TMEM232: variants seen among roughly 807,000 people sequenced by gnomAD.
The protein encoded by TMEM232 is transmembrane protein 232.
In TMEM232, 80 loss-of-function variants were observed where a neutral mutation model predicts 78.8. That is an observed-to-expected ratio of 1.01 (90% confidence interval 0.85 to 1.22). The LOEUF (loss-of-function observed/expected upper bound fraction) is 1.22. TMEM232 is among the 50% of genes most tolerant of loss of function. TMEM232 has a pLI of 0.00. For missense variants in TMEM232, 881 were observed against 742.2 expected, an observed-to-expected ratio of 1.19 and a Z score of -2.17; for synonymous variants, 297 against 254.3, an observed-to-expected ratio of 1.17 and a Z score of -1.60.
chr5:110,638,077 CAAACA>C (rs906201160), intron 5 of TMEM232, 116 bp downstream of exon 5: 10 of 771,802 alleles, frequency 1.3e-5, no homozygotes, highest in Non-Finnish European at 1.7e-5. Context: ...ATTAAACTAC[CAAACA>C]AAAGAATATT....
chr5:110,412,702 G>C (rs1756043875), intron 2 of TMEM232, among the ~76,000 whole-genome samples: 1 of 151,676 alleles, frequency 6.6e-6, no homozygotes, highest in Non-Finnish European at 1.5e-5. Context: ...AGGGGTTTTT[G>C]TTTTATAAAT....
At chr5:110,521,229 T>C (rs576877792) in intron 12 of TMEM232, among the ~76,000 whole-genome samples, 104 of 152,294 alleles carry the variant, frequency 6.8e-4, no homozygotes, top group Middle Eastern at 3.4e-3. Context: ...ACATTGAACA[T>C]TGTCATATAC....
intron 12 of TMEM232, among the ~76,000 whole-genome samples, chr5:110,451,030 T>C (rs1276235083): frequency 6.6e-6 from 1 of 152,174 alleles, no homozygotes; most frequent in Non-Finnish European, 1.5e-5. Context: ...GGTGACTAAA[T>C]GACCACATGG....
rs576088896 is a variant in TMEM232 at position 110,409,484 on chromosome 5, T to C, written n.309-11630A>G. ...AACATCTCAATTTTAAGATGCTAAA[T>C]TTATAATGAATGTGATTCTTAGAAG... On this transcript the variant is annotated intron_variant and non_coding_transcript_variant, in intron 2 of 8. Coordinates refer to the TMEM232 transcript ENST00000507188. Among the ~76,000 whole-genome samples, 193 of 152,306 alleles carry C rather than the reference T, an allele frequency of 1.3e-3. 1 individual carries two copies. Among genetic ancestry groups the C allele is most frequent in the Non-Finnish European group, 2.2e-3 (152 of 68,014 alleles).
At chr5:110,578,520 GT>G (rs924982907) in intron 10 of TMEM232, among the ~76,000 whole-genome samples, 6 of 151,864 alleles carry the variant, frequency 4.0e-5, no homozygotes, top group African/African-American at 9.7e-5. Context: ...TCCAAAATTG[GT>G]GACACCAAAT....
At chr5:110,487,273 T>C (rs1167184518) in intron 12 of TMEM232, among the ~76,000 whole-genome samples, 2 of 151,642 alleles carry the variant, frequency 1.3e-5, no homozygotes, top group Non-Finnish European at 2.9e-5. Context: ...CAGTTTGACT[T>C]CCTGTTTAGG....
chr5:110,471,445 C>G (rs1580817984), intron 12 of TMEM232, among the ~76,000 whole-genome samples: 1 of 151,986 alleles, frequency 6.6e-6, no homozygotes, highest in East Asian at 1.9e-4. Flanking sequence ...GAGGACTTCA[C>G]TTAGAGACAT....
At chr5:110,587,946 CAT>C (rs1042749773) in intron 10 of TMEM232, among the ~76,000 whole-genome samples, 14 of 150,406 alleles carry the variant, frequency 9.3e-5, no homozygotes, top group African/African-American at 1.7e-4. Context: ...ATTGCTAACA[CAT>C]ATATATATAT....
At chr5:110,403,096 G>A (rs1755664384) in intron 2 of TMEM232, among the ~76,000 whole-genome samples, 1 of 152,188 alleles carries the variant, frequency 6.6e-6, no homozygotes, top group South Asian at 2.1e-4. Flanking sequence ...TGCCTTTCAT[G>A]GATATAGGGC....
At chr5:110,441,104 A>T (rs965518187) in intron 12 of TMEM232, among the ~76,000 whole-genome samples, 5 of 152,132 alleles carry the variant, frequency 3.3e-5, no homozygotes, top group African/African-American at 9.7e-5. Context: ...CTTGCCAAAA[A>T]ATGCAAGTCT....
intron 2 of TMEM232, among the ~76,000 whole-genome samples, chr5:110,410,336 C>T (rs1202579183): frequency 6.6e-6 from 1 of 152,174 alleles, no homozygotes; most frequent in Non-Finnish European, 1.5e-5. Flanking sequence ...CCTCTAGTTG[C>T]ATCCTTCTCT....
chr5:110,389,778 CACAG>C (rs1306648654), intron 4 of TMEM232, among the ~76,000 whole-genome samples: 1 of 152,150 alleles, frequency 6.6e-6, no homozygotes, highest in Non-Finnish European at 1.5e-5. Flanking sequence ...CTTGGGAAAA[CACAG>C]ACACTAGAAA....
Position 110,420,495 on chromosome 5 carries a change from A to G in TMEM232, c.*85T>C, listed in dbSNP as rs17132106. 8.2e-3 allele frequency: 6,805 copies of G among 828,974 alleles called. 366 individuals are homozygous for G. The African/African-American group carries it at 0.11, about 13-fold the overall frequency. 51.4% of individuals were successfully genotyped at this position (828,974 alleles called of 1,614,324 possible). On this transcript the variant is annotated 3_prime_UTR_variant, in exon 14 of 14. Coordinates refer to ENST00000455884, the MANE Select transcript of TMEM232 (RefSeq NM_001039763.4). The stretch of plus-strand genomic sequence containing the variant: ...CATTTAATGACAAGAAAGTTCTCTT[A>G]CTATGTAGCTATCTTGGTATTTTTC...
At chr5:110,475,975 C>G (rs986744700) in intron 12 of TMEM232, among the ~76,000 whole-genome samples, 2 of 151,960 alleles carry the variant, frequency 1.3e-5, no homozygotes, top group Non-Finnish European at 2.9e-5. Flanking sequence ...TGACAGAACA[C>G]TTTCAACACA....
chr5:110,466,983 GATTATC>G (rs1008959239), intron 12 of TMEM232, among the ~76,000 whole-genome samples: 2 of 151,736 alleles, frequency 1.3e-5, no homozygotes, highest in Non-Finnish European at 1.5e-5. Flanking sequence ...ATATTACAAT[GATTATC>G]ATTATCTAAG....
intron 12 of TMEM232, among the ~76,000 whole-genome samples, chr5:110,471,051 A>G (rs1013197147): frequency 1.3e-5 from 2 of 152,322 alleles, no homozygotes; most frequent in African/African-American, 4.8e-5. Context: ...GACATCATTA[A>G]AAACAACCAC....
intron 4 of TMEM232, among the ~76,000 whole-genome samples, chr5:110,639,254 A>T (rs1786333417): frequency 6.6e-6 from 1 of 152,180 alleles, no homozygotes; most frequent in African/African-American, 2.4e-5. Context: ...AATGAGGAGC[A>T]GACAAAAGTA....
intron 12 of TMEM232, among the ~76,000 whole-genome samples, chr5:110,497,892 A>G (rs1765804195): frequency 6.6e-6 from 1 of 152,130 alleles, no homozygotes; most frequent in African/African-American, 2.4e-5. Context: ...ATTTTACTTC[A>G]TCTTTTGGAC....
chr5:110,601,613 G>C (rs1780907774), intron 10 of TMEM232, among the ~76,000 whole-genome samples: 1 of 152,104 alleles, frequency 6.6e-6, no homozygotes, highest in African/African-American at 2.4e-5. Context: ...TCTTCAAGGA[G>C]AACTACAAAC....
Sources: gnomAD v4.1 joint callset for allele counts (sites outside exome capture counted in the v4.1 genomes callset) on GRCh38, gnomAD v4.1.1 for gene constraint, MANE v1.5 for transcripts, NCBI Gene and HGNC (gene_info 2026-07-23, HGNC 2026-07-21) for gene names.